Variants in LIMA1 observed in about 807,000 individuals in gnomAD.
The protein encoded by LIMA1 is LIM domain and actin binding 1.
A neutral mutation model predicts 62.6 loss-of-function variants in LIMA1; 52 were observed. The ratio of observed to expected loss-of-function variants is 0.83; its 90% CI spans 0.67 to 1.05. The LOEUF is 1.05. Ranked by LOEUF, LIMA1 falls within the 50% of genes least tolerant of loss-of-function variation. LIMA1 has a pLI of 0.00. For missense variants in LIMA1, 780 were observed against 902.2 expected (o/e 0.86, Z 1.74); for synonymous variants, 302 against 317.8 (o/e 0.95, Z 0.53).
chr12:50,211,333 A>G (rs1202283813), intron 4 of LIMA1, among the ~76,000 whole-genome samples: 1 of 140,898 alleles, frequency 7.1e-6, no homozygotes, highest in African/African-American at 2.6e-5. Context: ...CACCCCCCCA[A>G]AAAAAAAAAA....
chr12:50,208,014 C>G (rs1248652620), intron 4 of LIMA1, among the ~76,000 whole-genome samples: 1 of 152,054 alleles, frequency 6.6e-6, no homozygotes, highest in African/African-American at 2.4e-5. Context: ...TTATACCACA[C>G]CAGTAAGAAT....
intron 1 of LIMA1, among the ~76,000 whole-genome samples, chr12:50,279,723 C>A (rs573352149): frequency 6.6e-6 from 1 of 152,112 alleles, no homozygotes; most frequent in African/African-American, 2.4e-5. Context: ...GGGTAAGGAC[C>A]GTTAGACAGA....
intron 6 of LIMA1, among the ~76,000 whole-genome samples, chr12:50,202,734 T>A (rs977095745): frequency 6.6e-6 from 1 of 152,198 alleles, no homozygotes; most frequent in Non-Finnish European, 1.5e-5. Flanking sequence ...TTAGAGAATG[T>A]ATACTTAATA....
chr12:50,208,313 G>A (rs949717595), intron 4 of LIMA1, among the ~76,000 whole-genome samples: 2 of 152,060 alleles, frequency 1.3e-5, no homozygotes, highest in Admixed American at 6.6e-5. Context: ...GTGAAACCCC[G>A]TCTCTACTAA....
intron 2 of LIMA1, among the ~76,000 whole-genome samples, chr12:50,239,671 C>G (rs1382561057): frequency 6.6e-6 from 1 of 150,840 alleles, no homozygotes; most frequent in East Asian, 2.0e-4. Context: ...CACATTGGAC[C>G]CCATACATAT....
chr12:50,273,049 CAAAA>C (rs767351049), intron 1 of LIMA1, among the ~76,000 whole-genome samples: 1 of 112,086 alleles, frequency 8.9e-6, no homozygotes, highest in Non-Finnish European at 1.9e-5. Flanking sequence ...GACTCTGTCT[CAAAA>C]AAAAAAAAAA....
rs780047153 is a variant in LIMA1, at chr12:50,222,424, C to T, written c.227G>A (p.Trp76Ter). ...CTCTGCTCCCAGCCCTGGGTTCTCC[C>T]ACTTCTTCTTTAACACAGTCAGGGT... ...KGTLTVLKKK[W>*]ENPGLGAESH... Residue 76 changes from tryptophan (W) to a stop codon, truncating the protein, a stop_gained, in exon 4 of 11, where the codon TGG becomes TAG. Transcript: ENST00000341247. LOFTEE classifies it high-confidence loss of function. The T allele has an allele frequency of 1.2e-6, 2 of 1,614,172 alleles. No individual in the cohort carries two copies. The highest frequency in any genetic ancestry group is 2.2e-5 in the South Asian group (2 of 91,074).
intron 2 of LIMA1, among the ~76,000 whole-genome samples, chr12:50,238,463 C>T (rs975828806): frequency 7.9e-5 from 12 of 151,814 alleles, no homozygotes; most frequent in African/African-American, 2.4e-4. Flanking sequence ...GCCGAGATTG[C>T]GCCACTGCAC....
rs558248484 is a variant in LIMA1 at position 50,233,578 on chromosome 12, G to A, written c.120-1868C>T. ...TCGCTCTTGTTGCCCAGGCTGGAGT[G>A]CAATGGCACAATCTCGGCTCACTGC... On this transcript the variant is annotated intron_variant, in intron 2 of 10. Coordinates refer to ENST00000341247, the MANE Select transcript of LIMA1 (RefSeq NM_016357.5). 3.3e-5 allele frequency among the ~76,000 whole-genome samples: 5 copies of A among 152,332 alleles called. No individual in the cohort carries two copies. The South Asian group carries it at 8.3e-4, about 25-fold the overall frequency.
At chr12:50,282,857 C>T (rs1230751464) in intron 1 of LIMA1, among the ~76,000 whole-genome samples, 1 of 152,210 alleles carries the variant, frequency 6.6e-6, no homozygotes, top group East Asian at 1.9e-4. Context: ...CTTACATTAA[C>T]ACCAACATAT....
chr12:50,197,951 T>A (rs1401793678), intron 7 of LIMA1, among the ~76,000 whole-genome samples: 3 of 152,198 alleles, frequency 2.0e-5, no homozygotes, highest in African/African-American at 7.2e-5. Context: ...ATGTGCCTCA[T>A]GGGCTAATGC....
At chr12:50,262,597 G>C (rs559912419) in intron 1 of LIMA1, among the ~76,000 whole-genome samples, 51 of 151,280 alleles carry the variant, frequency 3.4e-4, no homozygotes, top group Non-Finnish European at 5.7e-4. Flanking sequence ...AATATGGCGA[G>C]ACCTGTTCTC....
At chr12:50,267,350 C>A (rs868778752) in intron 1 of LIMA1, among the ~76,000 whole-genome samples, 2 of 151,242 alleles carry the variant, frequency 1.3e-5, no homozygotes, top group Middle Eastern at 6.3e-3. Context: ...GGATTACAGA[C>A]GTGAGCCACC....
At chr12:50,245,860 T>C (rs1262385863) in intron 2 of LIMA1, among the ~76,000 whole-genome samples, 1 of 151,830 alleles carries the variant, frequency 6.6e-6, no homozygotes, top group African/African-American at 2.4e-5. Context: ...TGAGAAACAA[T>C]GAATGGGAAA....
intron 2 of LIMA1, among the ~76,000 whole-genome samples, chr12:50,248,278 T>A (rs1397542938): frequency 6.6e-6 from 1 of 152,228 alleles, no homozygotes; most frequent in Non-Finnish European, 1.5e-5. Context: ...AAAGCCTTCC[T>A]GATGAGCTCC....
chr12:50,223,758 C>A (rs1439049413), intron 3 of LIMA1, among the ~76,000 whole-genome samples: 1 of 152,186 alleles, frequency 6.6e-6, no homozygotes, highest in Non-Finnish European at 1.5e-5. Context: ...AATGTCCCGG[C>A]TGGGCGCAGT....
intron 2 of LIMA1, among the ~76,000 whole-genome samples, chr12:50,243,527 G>C (rs1004025412): frequency 1.3e-5 from 2 of 152,184 alleles, no homozygotes; most frequent in Non-Finnish European, 2.9e-5. Context: ...AAGCTGCAGT[G>C]AGTGAACCTT....
At chr12:50,195,662 T>G in intron 8 of LIMA1, 168 bp downstream of exon 8, 1 of 495,554 alleles carries the variant, frequency 2.0e-6, no homozygotes, top group South Asian at 6.6e-5. Flanking sequence ...ATTTAACTTC[T>G]CCTTAAGCCA....
At chr12:50,200,554 G>A (rs1415605905) in intron 7 of LIMA1, among the ~76,000 whole-genome samples, 1 of 152,176 alleles carries the variant, frequency 6.6e-6, no homozygotes, top group Non-Finnish European at 1.5e-5. Context: ...AGCATCTGCT[G>A]AGCAAAATAA....
Sources: allele counts gnomAD v4.1 joint callset (sites outside exome capture counted in the v4.1 genomes callset), GRCh38; gene constraint gnomAD v4.1.1; transcripts MANE v1.5; gene names NCBI Gene and HGNC (gene_info 2026-07-23, HGNC 2026-07-21).